FRMD6: variants seen among roughly 807,000 people sequenced by gnomAD.
FRMD6 encodes FERM domain containing 6, also known as FERM domain-containing protein 6.
FRMD6 carries 37 observed loss-of-function variants against 73.2 expected under a neutral mutation model. The observed-to-expected ratio is 0.51, with a 90% CI of 0.39 to 0.66. FRMD6 has a LOEUF of 0.66. Ranked by LOEUF, FRMD6 falls within the 30% of genes least tolerant of loss-of-function variation. FRMD6 has a pLI of 0.00. For synonymous variants in FRMD6, 273 were observed against 282.2 expected (o/e 0.97, Z 0.33); for missense variants, 714 against 780.5 (o/e 0.91, Z 1.02).
At chr14:51,507,579 G>A (rs554040502) in intron 1 of FRMD6, among the ~76,000 whole-genome samples, 2 of 152,264 alleles carry the variant, frequency 1.3e-5, no homozygotes, top group East Asian at 3.9e-4. Flanking sequence ...TTCCAGTCTG[G>A]CTGAGCTAAA....
rs544179498 is a variant in FRMD6 at position 51,729,882 on chromosome 14, T to C, written c.*1853T>C. 3.3e-5 allele frequency: 5 copies of C among 152,812 alleles called. No homozygotes were observed. The highest frequency in any genetic ancestry group is 1.2e-4 in the African/African-American group (5 of 41,588). 9.5% of individuals were successfully genotyped at this position (152,812 alleles called of 1,614,324 possible). ...TCTGTGGTCACAAAATTGTTTTGCT[T>C]TTATCAAATACTTTAATAGAACCAA... is the stretch of plus-strand genomic sequence containing the variant. On this transcript the variant is annotated 3_prime_UTR_variant, in exon 14 of 14. Coordinates refer to ENST00000344768, the MANE Select transcript of FRMD6 (RefSeq NM_001267046.2).
chr14:51,625,202 G>GGCT (rs1891071101), intron 2 of FRMD6, among the ~76,000 whole-genome samples: 1 of 152,072 alleles, frequency 6.6e-6, no homozygotes, highest in African/African-American at 2.4e-5. Context: ...TTGAATACTT[G>GGCT]GCATATTACT....
At chr14:51,569,702 A>G (rs1887999508) in intron 1 of FRMD6, among the ~76,000 whole-genome samples, 1 of 151,520 alleles carries the variant, frequency 6.6e-6, no homozygotes, top group Admixed American at 6.6e-5. Context: ...GGGTTTTGCC[A>G]TGTTGCCCAG....
the FRMD6 span, among the ~76,000 whole-genome samples, chr14:51,460,211 T>A: frequency 6.6e-6 from 1 of 152,204 alleles, no homozygotes; most frequent in African/African-American, 2.4e-5. Flanking sequence ...AGAAATACAT[T>A]AAATAATTAC....
chr14:51,564,800 G>T (rs1173537781), intron 1 of FRMD6, among the ~76,000 whole-genome samples: 1 of 152,152 alleles, frequency 6.6e-6, no homozygotes, highest in Non-Finnish European at 1.5e-5. Context: ...CAGGTACCAT[G>T]TCACTCACAG....
At chr14:51,536,075 ATT>A (rs138458728) in intron 1 of FRMD6, among the ~76,000 whole-genome samples, 69,475 of 137,862 alleles carry the variant, frequency 0.5, 18,626 homozygotes, top group African/African-American at 0.69. Flanking sequence ...TTATATATAT[ATT>A]TTATATATAT....
At chr14:51,565,048 A>C (rs977782068) in intron 1 of FRMD6, among the ~76,000 whole-genome samples, 8 of 152,190 alleles carry the variant, frequency 5.3e-5, no homozygotes, top group African/African-American at 1.7e-4. Context: ...TCCTTGGAAA[A>C]GTTTTTATAA....
the FRMD6 span, among the ~76,000 whole-genome samples, chr14:51,461,851 G>T: frequency 6.6e-6 from 1 of 152,242 alleles, no homozygotes; most frequent in Non-Finnish European, 1.5e-5. Context: ...TAGCCAGCTG[G>T]TGGGTGTTAC....
At chr14:51,690,377 T>TTTTTTTG in intron 2 of FRMD6, among the ~76,000 whole-genome samples, 1 of 152,076 alleles carries the variant, frequency 6.6e-6, no homozygotes, top group East Asian at 1.9e-4. Flanking sequence ...CCTAGATAGT[T>TTTTTTTG]TTTTTTGTTT....
chr14:51,407,740 G>A, the FRMD6 span, among the ~76,000 whole-genome samples: 1 of 151,898 alleles, frequency 6.6e-6, no homozygotes, highest in African/African-American at 2.4e-5. Context: ...TAATTTAGAA[G>A]TGTTTCTTAA....
At chr14:51,459,743 T>C in the FRMD6 span, among the ~76,000 whole-genome samples, 348 of 141,760 alleles carry the variant, frequency 2.5e-3, 3 homozygotes, top group East Asian at 0.021. Context: ...AGGAGAATGG[T>C]GTGAACCCGG....
At chr14:51,667,416 A>C (rs1893681712) in intron 1 of FRMD6, among the ~76,000 whole-genome samples, 1 of 152,224 alleles carries the variant, frequency 6.6e-6, no homozygotes. Context: ...ATTTACTGAC[A>C]TGTGTGACCC....
intron 1 of FRMD6, among the ~76,000 whole-genome samples, chr14:51,676,691 T>C (rs1157905636): frequency 6.6e-6 from 1 of 152,176 alleles, no homozygotes; most frequent in African/African-American, 2.4e-5. Flanking sequence ...GTGTTTGTAA[T>C]GTCTGTACAT....
chr14:51,632,592 C>T (rs720860), intron 2 of FRMD6, among the ~76,000 whole-genome samples: 2 of 152,304 alleles, frequency 1.3e-5, no homozygotes, highest in Non-Finnish European at 1.5e-5. Context: ...GGTTTCCTGG[C>T]TATCTGCAGT....
chr14:51,668,342 C>A (rs1446930041), intron 1 of FRMD6, among the ~76,000 whole-genome samples: 1 of 152,134 alleles, frequency 6.6e-6, no homozygotes, highest in Non-Finnish European at 1.5e-5. Context: ...GAATCTACTC[C>A]TTTACCCAGG....
In FRMD6 at chr14:51,686,779, T is replaced by A. The variant is rs74052668; in HGVS notation, c.-146-2912T>A. On this transcript the variant is annotated intron_variant, in intron 1 of 13. Coordinates refer to ENST00000344768, the MANE Select transcript of FRMD6 (RefSeq NM_001267046.2). Reference sequence around the variant, plus strand: ...GGATACAAAATAAGTAGCCAATGGCTGTTGTGAGGCTGACTTCTAAAATTC... The same window carrying A: ...GGATACAAAATAAGTAGCCAATGGCAGTTGTGAGGCTGACTTCTAAAATTC... Among the ~76,000 whole-genome samples the A allele has an allele frequency of 6.7e-3, 1,016 of 152,264 alleles. 10 individuals carry two copies. Among genetic ancestry groups the A allele is most frequent in the African/African-American group, 0.023 (966 of 41,564 alleles).
intron 11 of FRMD6, among the ~76,000 whole-genome samples, chr14:51,721,318 A>G (rs1476346968): frequency 3.9e-5 from 6 of 152,224 alleles, no homozygotes; most frequent in Non-Finnish European, 8.8e-5. Flanking sequence ...ATCCGATAAG[A>G]AAGAACAAGT....
At chr14:51,502,149 G>T (rs905282981) in intron 1 of FRMD6, among the ~76,000 whole-genome samples, 5 of 152,004 alleles carry the variant, frequency 3.3e-5, no homozygotes, top group Non-Finnish European at 7.4e-5. Context: ...TCTGTAGATT[G>T]TCTGTTCACT....
At position 51,701,067 on chromosome 14, in the gene FRMD6, G is replaced by A. The variant is rs764034279; in HGVS notation, c.202G>A (p.Val68Met). 9 of 1,524,188 alleles carry A rather than the reference G, an allele frequency of 5.9e-6. 1 individual carries two copies. In the South Asian group the frequency reaches 6.4e-5, roughly 11 times the overall value. The allele number at this position is 1,524,188 out of a possible 1,614,324, so 94.4% of individuals were successfully genotyped here. Residue 68 changes from valine (V) to methionine (M), a missense_variant, in exon 4 of 14, where the codon GTG (valine) becomes ATG (methionine). Val to Met is a conservative substitution (Grantham distance 21, BLOSUM62 1). Transcript: ENST00000344768. ...GLSVIQNNEH[V>M]YMELSQKLYK... Reference sequence around the variant, plus strand: ...TTTTTAATGTACAGATAATGAACATGTGTATATGGAGTTGTCACAAAAGCT... The same window carrying A: ...TTTTTAATGTACAGATAATGAACATATGTATATGGAGTTGTCACAAAAGCT...
Sources: gnomAD v4.1 joint callset for allele counts (sites outside exome capture counted in the v4.1 genomes callset) on GRCh38, gnomAD v4.1.1 for gene constraint, MANE v1.5 for transcripts, NCBI Gene and HGNC (gene_info 2026-07-23, HGNC 2026-07-21) for gene names.